SH3BGRL2: variants seen among roughly 807,000 people sequenced by gnomAD.
SH3BGRL2 encodes the protein SH3 domain binding glutamate rich protein like 2, also known as SH3 domain-binding glutamic acid-rich-like protein 2.
Under a neutral mutation model 14.8 loss-of-function variants are expected in SH3BGRL2, and 21 were observed. That is an observed-to-expected ratio of 1.42 (90% confidence interval 1.01 to 2.05). The LOEUF (loss-of-function observed/expected upper bound fraction) is 2.05, where lower values mean the gene tolerates loss of function less well. Among genes scored for constraint, SH3BGRL2 ranks in the 30% most tolerant of loss-of-function variants. The probability of loss-of-function intolerance (pLI) is 0.00; values close to 1 mark genes in which losing one functional copy is unlikely to be tolerated. For synonymous variants in SH3BGRL2, 50 were observed against 47.8 expected (o/e 1.05, Z -0.19); for missense variants, 147 against 130.8 (o/e 1.12, Z -0.61).
intron 1 of SH3BGRL2, among the ~76,000 whole-genome samples, chr6:79,634,766 A>AG (rs1404716015): frequency 6.6e-6 from 1 of 152,222 alleles, no homozygotes; most frequent in Non-Finnish European, 1.5e-5. Flanking sequence ...TGCTTCTTGC[A>AG]GGAACATTCT....
chr6:79,582,362 A>C, the SH3BGRL2 span, among the ~76,000 whole-genome samples: 2 of 152,222 alleles, frequency 1.3e-5, no homozygotes, highest in Non-Finnish European at 2.9e-5. Context: ...AACTGGAGAC[A>C]TCATGCTACC....
At position 79,699,572 on chromosome 6, in the gene SH3BGRL2, T is replaced by C; in HGVS notation, c.*63T>C. 6.9e-7 allele frequency: 1 copy of C among 1,451,510 alleles called. No homozygotes were observed. Among genetic ancestry groups the C allele is most frequent in the Non-Finnish European group, 9.1e-7 (1 of 1,096,312 alleles). The allele number at this position is 1,451,510 out of a possible 1,614,324, so 89.9% of individuals were successfully genotyped here. ...GCACCCCTGGTACTCAGCACACACA[T>C]GCTTACCTAATGCATCACTGTGACA... On this transcript the variant is annotated 3_prime_UTR_variant, in exon 4 of 4. Transcript: ENST00000369838.
At chr6:79,675,056 T>G (rs1198565958) in intron 2 of SH3BGRL2, among the ~76,000 whole-genome samples, 1 of 152,172 alleles carries the variant, frequency 6.6e-6, no homozygotes, top group African/African-American at 2.4e-5. Flanking sequence ...GGATATAAAA[T>G]GTACTCTTGT....
rs906737688 is a variant in SH3BGRL2, at chr6:79,637,691, T to TA, written c.45+6198dup. ...TGAGTGACAAGAGTGAAACTCCTTC[T>TA]AAAAAAAAAAAAAGAAAATGTATTT... is the stretch of plus-strand genomic sequence containing the variant. On this transcript the variant is annotated intron_variant, in intron 1 of 3. Transcript: ENST00000369838. 6.4e-3 allele frequency among the ~76,000 whole-genome samples: 863 copies of TA among 135,092 alleles called. 8 individuals carry two copies. Among genetic ancestry groups the TA allele is most frequent in the African/African-American group, 0.017 (628 of 36,680 alleles). 88.6% of individuals were successfully genotyped at this position (135,092 alleles called of 152,430 possible).
At chr6:79,585,414 T>C in the SH3BGRL2 span, among the ~76,000 whole-genome samples, 1 of 152,236 alleles carries the variant, frequency 6.6e-6, no homozygotes, top group African/African-American at 2.4e-5. Context: ...ACTTTGTATC[T>C]CTAACATTTA....
upstream of SH3BGRL2, among the ~76,000 whole-genome samples, chr6:79,627,324 G>A (rs891902230): frequency 2.6e-5 from 4 of 152,142 alleles, no homozygotes; most frequent in African/African-American, 7.2e-5. Context: ...AGGTCATGCC[G>A]GGGGAAGAAC....
At chr6:79,618,962 C>T in the SH3BGRL2 span, among the ~76,000 whole-genome samples, 4 of 145,402 alleles carry the variant, frequency 2.8e-5, no homozygotes, top group East Asian at 2.1e-4. Flanking sequence ...CAAAGTTACT[C>T]GAAAGTCACC....
At chr6:79,661,561 A>G (rs1297796874) in intron 1 of SH3BGRL2, among the ~76,000 whole-genome samples, 1 of 152,194 alleles carries the variant, frequency 6.6e-6, no homozygotes, top group African/African-American at 2.4e-5. Context: ...TTATGTGGTC[A>G]GTTTTAGAAT....
intron 1 of SH3BGRL2, among the ~76,000 whole-genome samples, chr6:79,649,966 T>C (rs1202143874): frequency 7.8e-6 from 1 of 127,410 alleles, no homozygotes; most frequent in Non-Finnish European, 1.7e-5. Flanking sequence ...AGTTCTTATG[T>C]ACTCTCTCTC....
the SH3BGRL2 span, among the ~76,000 whole-genome samples, chr6:79,547,211 CT>C: frequency 6.6e-6 from 1 of 151,914 alleles, no homozygotes; most frequent in South Asian, 2.1e-4. Flanking sequence ...TCTCTATGAC[CT>C]TAAAGGACAT....
chr6:79,672,128 G>A (rs1769786803), intron 1 of SH3BGRL2, among the ~76,000 whole-genome samples: 1 of 152,152 alleles, frequency 6.6e-6, no homozygotes, highest in African/African-American at 2.4e-5. Context: ...ATAAAACAGG[G>A]CATCTCTGTG....
chr6:79,555,471 A>T, the SH3BGRL2 span, among the ~76,000 whole-genome samples: 1 of 152,278 alleles, frequency 6.6e-6, no homozygotes, highest in African/African-American at 2.4e-5. Flanking sequence ...AAAAATCTTA[A>T]ACTGCACTTG....
At chr6:79,551,970 A>G in the SH3BGRL2 span, among the ~76,000 whole-genome samples, 3 of 152,178 alleles carry the variant, frequency 2.0e-5, no homozygotes, top group Non-Finnish European at 4.4e-5. Context: ...GGGCACCTGT[A>G]TTCTTGGATG....
At chr6:79,699,474 T>C (rs1361535512) in intron 3 of SH3BGRL2, 24 bp from the exon 4 acceptor site, 4 of 1,470,116 alleles carry the variant, frequency 2.7e-6, no homozygotes, top group East Asian at 2.4e-5. Context: ...TTTTTTTTTT[T>C]TTTTTTTTTT....
chr6:79,620,510 A>G, the SH3BGRL2 span, among the ~76,000 whole-genome samples: 1 of 152,008 alleles, frequency 6.6e-6, no homozygotes, highest in Admixed American at 6.6e-5. Flanking sequence ...TGGTCCTCGG[A>G]GGATAACTGT....
At position 79,701,029 on chromosome 6, in the gene SH3BGRL2, A is replaced by G. The variant is rs942920222; in HGVS notation, c.*1520A>G. The G allele has an allele frequency of 2.0e-5, 3 of 152,212 alleles. No homozygotes were observed. The highest frequency in any genetic ancestry group is 7.2e-5 in the African/African-American group (3 of 41,468). 9.4% of individuals were successfully genotyped at this position (152,212 alleles called of 1,614,324 possible). ...CCATGCCTTGCTAAATGTAGACTAA[A>G]GAACTTGTTGAATGCTAAGGCTGAA... On this transcript the variant is annotated 3_prime_UTR_variant, in exon 4 of 4. Coordinates refer to ENST00000369838, the MANE Select transcript of SH3BGRL2 (RefSeq NM_031469.4).
chr6:79,697,588 C>T (rs746510989), intron 3 of SH3BGRL2, among the ~76,000 whole-genome samples: 5 of 152,140 alleles, frequency 3.3e-5, no homozygotes, highest in South Asian at 2.1e-4. Flanking sequence ...AATGTGAAAT[C>T]GTGCTTTGTT....
intron 1 of SH3BGRL2, among the ~76,000 whole-genome samples, chr6:79,631,852 T>G (rs956601814): frequency 6.6e-6 from 1 of 152,218 alleles, no homozygotes; most frequent in African/African-American, 2.4e-5. Context: ...CCTAGTTTAG[T>G]TCTTCCCGAT....
rs1278952437 is a variant in SH3BGRL2 at position 79,702,638 on chromosome 6, G to T, written c.*3129G>T. 1 of 152,196 alleles carries T rather than the reference G, an allele frequency of 6.6e-6. No homozygotes were observed. The allele number at this position is 152,196 out of a possible 1,614,324, so 9.4% of individuals were successfully genotyped here. ...ATGCATGAAAGCAGCACATTAAATT[G>T]TAAAAATACAAACAGATCGTGTGAT... On this transcript the variant is annotated 3_prime_UTR_variant, in exon 4 of 4. Coordinates refer to ENST00000369838, the MANE Select transcript of SH3BGRL2 (RefSeq NM_031469.4).
Sources: allele counts gnomAD v4.1 joint callset (sites outside exome capture counted in the v4.1 genomes callset), GRCh38; gene constraint gnomAD v4.1.1; transcripts MANE v1.5; gene names NCBI Gene and HGNC (gene_info 2026-07-23, HGNC 2026-07-21).